The following ST8SIA5 variants were observed in gnomAD, a reference collection of about 807,000 sequenced individuals.
The protein encoded by ST8SIA5 is ST8 alpha-N-acetyl-neuraminide alpha-2,8-sialyltransferase 5.
A neutral mutation model predicts 40.2 loss-of-function variants in ST8SIA5; 24 were observed. The observed-to-expected ratio is 0.60, with a 90% CI of 0.43 to 0.84. ST8SIA5 has a LOEUF of 0.84. Among genes scored for constraint, ST8SIA5 ranks in the 40% least tolerant of loss-of-function variants. ST8SIA5 has a pLI of 0.00. For missense variants in ST8SIA5, 465 were observed against 498.5 expected, an observed-to-expected ratio of 0.93 and a Z score of 0.64; for synonymous variants, 198 against 201.8, an observed-to-expected ratio of 0.98 and a Z score of 0.16.
At chr18:46,724,498 T>G (rs901154877) in intron 1 of ST8SIA5, among the ~76,000 whole-genome samples, 11 of 152,270 alleles carry the variant, frequency 7.2e-5, no homozygotes, top group Admixed American at 2.0e-4. Context: ...GATTCAATAG[T>G]TATTCATTTA....
chr18:46,692,125 G>A (rs766063484), intron 3 of ST8SIA5, 44 bp downstream of exon 3: 1 of 1,595,350 alleles, frequency 6.3e-7, no homozygotes, highest in East Asian at 2.2e-5. Flanking sequence ...TGGCAGTGAG[G>A]AGAATCATAC....
At chr18:46,723,841 G>A (rs1222427865) in intron 1 of ST8SIA5, among the ~76,000 whole-genome samples, 3 of 151,986 alleles carry the variant, frequency 2.0e-5, no homozygotes, top group Non-Finnish European at 2.9e-5. Context: ...CATGAGAATC[G>A]CTTGAACCTG....
In ST8SIA5 at chr18:46,692,236, A is replaced by G; in HGVS notation, c.244T>C (p.Phe82Leu). 3 of 1,614,106 alleles carry G rather than the reference A, an allele frequency of 1.9e-6. No homozygotes were observed. The East Asian group carries it at 6.7e-5, about 36-fold the overall frequency. The change falls in exon 3 of 7, where the codon TTC (phenylalanine) becomes CTC (leucine). Residue 82 changes from phenylalanine to leucine, a missense_variant. Phe to Leu is a conservative substitution (Grantham distance 22). Transcript: ENST00000315087. Reference protein sequence around the residue: ...VLSMVKQSELFDRWKSLQMCK... With the variant: ...VLSMVKQSELLDRWKSLQMCK... Reference sequence around the variant, plus strand: ...ATCTGGAGGCTCTTCCACCTGTCGAACAGCTCTGACTGCTTCACCCTTGGG... The same window carrying G: ...ATCTGGAGGCTCTTCCACCTGTCGAGCAGCTCTGACTGCTTCACCCTTGGG...
At position 46,686,181 on chromosome 18, in the gene ST8SIA5, C is replaced by T. The variant is rs777597828; in HGVS notation, c.562G>A (p.Val188Ile). The change falls in exon 5 of 7, where the codon GTC becomes ATC. Residue 188 changes from valine to isoleucine, a missense_variant. By Grantham distance (29) the Val-to-Ile change is conservative. Coordinates refer to ENST00000315087, the MANE Select transcript of ST8SIA5 (RefSeq NM_013305.6). ...CGREINSADF[V>I]FRCNLPPISE... The stretch of plus-strand genomic sequence containing the variant: ...TGCCAGGGTTTCTTTTACCGGAAGA[C>T]GAAGTCGGCGCTGTTGATCTCCCTC... The T allele has an allele frequency of 2.8e-5, 45 of 1,613,962 alleles. No individual in the cohort carries two copies. Among genetic ancestry groups the T allele is most frequent in the East Asian group, 8.9e-5 (4 of 44,874 alleles).
chr18:46,681,373 C>T (rs2039393814), intron 6 of ST8SIA5, among the ~76,000 whole-genome samples: 1 of 152,196 alleles, frequency 6.6e-6, no homozygotes, highest in Admixed American at 6.5e-5. Context: ...GGCATCTGAT[C>T]CAATTCAATG....
chr18:46,721,054 G>A (rs2039857146), intron 1 of ST8SIA5, among the ~76,000 whole-genome samples: 2 of 152,060 alleles, frequency 1.3e-5, no homozygotes, highest in Admixed American at 1.3e-4. Flanking sequence ...CGAAATCCCT[G>A]CAGCAGGGAC....
intron 2 of ST8SIA5, among the ~76,000 whole-genome samples, chr18:46,697,146 T>C (rs1390697810): frequency 2.2e-5 from 3 of 135,724 alleles, no homozygotes; most frequent in African/African-American, 8.2e-5. Context: ...AAAAAAAAGG[T>C]ATCATTTACA....
intron 1 of ST8SIA5, among the ~76,000 whole-genome samples, chr18:46,732,639 T>TA (rs973095614): frequency 1.1e-4 from 16 of 152,282 alleles, no homozygotes; most frequent in Admixed American, 2.6e-4. Flanking sequence ...GCTCTATTCG[T>TA]AAAAAAACAA....
chr18:46,678,650 GAA>G lies in ST8SIA5; in HGVS notation c.*1390_*1391del, dbSNP rs1429931455. On this transcript the variant is annotated 3_prime_UTR_variant, in exon 7 of 7. Transcript: ENST00000315087. The stretch of plus-strand genomic sequence containing the variant: ...TTCCAGAAATGTTTAAGGGGAGGAA[GAA>G]AAGAGGAAGGGAGGGAAGGAGAAAG... The G allele has an allele frequency of 1.3e-5, 2 of 152,414 alleles. No homozygotes were observed. Among genetic ancestry groups the G allele is most frequent in the African/African-American group, 4.8e-5 (2 of 41,442 alleles). 9.4% of individuals were successfully genotyped at this position (152,414 alleles called of 1,614,324 possible).
chr18:46,705,836 GAGGGGCTC>G (rs2039664954), intron 1 of ST8SIA5, among the ~76,000 whole-genome samples: 2 of 152,228 alleles, frequency 1.3e-5, no homozygotes, highest in Non-Finnish European at 2.9e-5. Flanking sequence ...TCAGAGGTGA[GAGGGGCTC>G]CCCAGGGCCA....
At chr18:46,705,138 T>A (rs964957809) in intron 1 of ST8SIA5, among the ~76,000 whole-genome samples, 2 of 152,212 alleles carry the variant, frequency 1.3e-5, no homozygotes, top group Non-Finnish European at 2.9e-5. Context: ...CACTGTGACA[T>A]AGCTGAGACT....
chr18:46,722,528 C>T (rs564148833), intron 1 of ST8SIA5, among the ~76,000 whole-genome samples: 24 of 152,300 alleles, frequency 1.6e-4, no homozygotes, highest in African/African-American at 5.1e-4. Flanking sequence ...GAAACTGATC[C>T]GCTCAAAAGA....
At position 46,678,998 on chromosome 18, in the gene ST8SIA5, G is replaced by C. The variant is rs536753302; in HGVS notation, c.*1044C>G. ...CGGAAGCCTCAGTGATGCTGGTGTCGGAGGCCACAACTCGTTTCTCTCTGC... is the reference window on the plus strand; with the variant it reads ...CGGAAGCCTCAGTGATGCTGGTGTCCGAGGCCACAACTCGTTTCTCTCTGC... On this transcript the variant is annotated 3_prime_UTR_variant, in exon 7 of 7. Transcript: ENST00000315087. 1 of 152,260 alleles carries C rather than the reference G, an allele frequency of 6.6e-6. No homozygotes were observed. The highest frequency in any genetic ancestry group is 2.4e-5 in the African/African-American group (1 of 41,450). 9.4% of individuals were successfully genotyped at this position (152,260 alleles called of 1,614,324 possible).
chr18:46,709,790 T>C (rs569099405), intron 1 of ST8SIA5, among the ~76,000 whole-genome samples: 2 of 152,344 alleles, frequency 1.3e-5, no homozygotes, highest in East Asian at 3.9e-4. Flanking sequence ...ATAAATGGGA[T>C]GATGCGTTAT....
chr18:46,704,165 A>C (rs1365325797), intron 2 of ST8SIA5, among the ~76,000 whole-genome samples: 2 of 152,190 alleles, frequency 1.3e-5, no homozygotes, highest in Non-Finnish European at 2.9e-5. Flanking sequence ...CTTTTAATAA[A>C]ATTAAAACCA....
chr18:46,690,644 C>G (rs1054202487), intron 3 of ST8SIA5, among the ~76,000 whole-genome samples: 1 of 132,204 alleles, frequency 7.6e-6, no homozygotes, highest in South Asian at 2.4e-4. Flanking sequence ...GATGGAGTCT[C>G]GCTCTGTCGC....
chr18:46,727,142 T>C (rs758686378), intron 1 of ST8SIA5, among the ~76,000 whole-genome samples: 8 of 152,236 alleles, frequency 5.3e-5, no homozygotes, highest in Non-Finnish European at 1.0e-4. Context: ...GATTCAGATA[T>C]TTAGAGGCCT....
chr18:46,694,837 A>T (rs1428566287), intron 2 of ST8SIA5, among the ~76,000 whole-genome samples: 8 of 69,718 alleles, frequency 1.1e-4, no homozygotes, highest in East Asian at 3.2e-4. Flanking sequence ...TCCATTATTT[A>T]AAAAAAAAAA....
intron 3 of ST8SIA5, among the ~76,000 whole-genome samples, chr18:46,689,572 A>ATTT (rs541590079): frequency 1.6e-5 from 2 of 128,782 alleles, no homozygotes; most frequent in Admixed American, 8.0e-5. Flanking sequence ...ATGTTTTATG[A>ATTT]TTTTTTTTTT....
Sources: allele counts gnomAD v4.1 joint callset (sites outside exome capture counted in the v4.1 genomes callset), GRCh38; gene constraint gnomAD v4.1.1; transcripts MANE v1.5; gene names NCBI Gene and HGNC (gene_info 2026-07-23, HGNC 2026-07-21).